ADK: variants seen among roughly 807,000 people sequenced by gnomAD.
ADK encodes adenosine kinase.
Under a neutral mutation model 44.7 loss-of-function variants are expected in ADK, and 24 were observed. The observed-to-expected ratio is 0.54, with a 90% CI of 0.39 to 0.76. ADK has a LOEUF of 0.76. Among genes scored for constraint, ADK ranks in the 30% least tolerant of loss-of-function variants. The pLI, the probability that ADK is intolerant of heterozygous loss-of-function variation, is 0.00. For synonymous variants in ADK, 128 were observed against 142.6 expected (o/e 0.90, Z 0.73); for missense variants, 321 against 425.1 (o/e 0.76, Z 2.15).
chr10:74,494,942 A>G (rs893754184), intron 6 of ADK, among the ~76,000 whole-genome samples: 1 of 152,242 alleles, frequency 6.6e-6, no homozygotes, highest in Admixed American at 6.5e-5. Flanking sequence ...ACTCTGGATT[A>G]ATATATGGGC....
chr10:74,570,423 ATTTG>A (rs1247888264), intron 7 of ADK, among the ~76,000 whole-genome samples: 1 of 152,064 alleles, frequency 6.6e-6, no homozygotes, highest in African/African-American at 2.4e-5. Context: ...ATGTTCTTCC[ATTTG>A]TTTGTATCCT....
At chr10:74,474,349 C>G (rs1207039565) in intron 6 of ADK, among the ~76,000 whole-genome samples, 1 of 152,194 alleles carries the variant, frequency 6.6e-6, no homozygotes, top group Non-Finnish European at 1.5e-5. Flanking sequence ...GTGATCTTCC[C>G]TCCTCAGCCT....
chr10:74,621,716 G>A (rs1853000570), intron 9 of ADK, among the ~76,000 whole-genome samples: 1 of 151,992 alleles, frequency 6.6e-6, no homozygotes, highest in South Asian at 2.1e-4. Context: ...TCCTTTTGGG[G>A]CTTGTTTCTT....
At chr10:74,661,701 T>C (rs1854736272) in intron 9 of ADK, among the ~76,000 whole-genome samples, 2 of 152,354 alleles carry the variant, frequency 1.3e-5, no homozygotes, top group Admixed American at 1.3e-4. Flanking sequence ...CCTCTCTTTT[T>C]CATTATCCAC....
chr10:74,659,437 A>G (rs1446031072), intron 9 of ADK, among the ~76,000 whole-genome samples: 2 of 152,224 alleles, frequency 1.3e-5, no homozygotes, highest in Non-Finnish European at 2.9e-5. Flanking sequence ...GCAAACATGA[A>G]CAAACTAAGA....
intron 10 of ADK, 118 bp from the exon 11 acceptor site, chr10:74,708,203 C>G: frequency 9.5e-7 from 1 of 1,047,410 alleles, no homozygotes; most frequent in Non-Finnish European, 1.4e-6. Flanking sequence ...AAGACTTTCT[C>G]TTACTGTCAA....
At chr10:74,199,403 C>CAAGGTAA (rs1843289633) in intron 1 of ADK, among the ~76,000 whole-genome samples, 2 of 152,186 alleles carry the variant, frequency 1.3e-5, no homozygotes, top group African/African-American at 4.8e-5. Flanking sequence ...TCTCTGCGTA[C>CAAGGTAA]CCAGTGTTTA....
intron 6 of ADK, among the ~76,000 whole-genome samples, chr10:74,517,762 G>A (rs1056660780): frequency 1.4e-4 from 22 of 151,742 alleles, no homozygotes; most frequent in African/African-American, 4.8e-4. Context: ...CACATAGACA[G>A]GAAGAAGATC....
At chr10:74,592,931 T>C (rs1851771612) in intron 8 of ADK, among the ~76,000 whole-genome samples, 2 of 152,196 alleles carry the variant, frequency 1.3e-5, no homozygotes, top group African/African-American at 4.8e-5. Context: ...TTGAGTACTC[T>C]ATAGACTATG....
chr10:74,212,911 T>C (rs1277857095), intron 2 of ADK, among the ~76,000 whole-genome samples: 4 of 152,040 alleles, frequency 2.6e-5, no homozygotes, highest in Admixed American at 6.6e-5. Context: ...GAGTTAGAGA[T>C]AACATTTGAA....
At chr10:74,480,823 T>G (rs1287133377) in intron 6 of ADK, among the ~76,000 whole-genome samples, 1 of 152,208 alleles carries the variant, frequency 6.6e-6, no homozygotes, top group Non-Finnish European at 1.5e-5. Context: ...CAGCAGCACA[T>G]CTTTTAAATG....
At chr10:74,563,041 G>A (rs371204610) in intron 7 of ADK, among the ~76,000 whole-genome samples, 1 of 152,084 alleles carries the variant, frequency 6.6e-6, no homozygotes, top group East Asian at 1.9e-4. Context: ...TTTTCAGTTT[G>A]AGATTTTTTT....
intron 6 of ADK, among the ~76,000 whole-genome samples, chr10:74,406,485 T>C (rs1029394878): frequency 1.3e-5 from 2 of 149,396 alleles, no homozygotes; most frequent in African/African-American, 4.9e-5. Context: ...CACCTCCATC[T>C]ACCTTTGGGA....
At chr10:74,233,822 A>G (rs543765324) in intron 3 of ADK, among the ~76,000 whole-genome samples, 112 of 152,292 alleles carry the variant, frequency 7.4e-4, no homozygotes, top group African/African-American at 2.6e-3. Context: ...ACTCTTCAAC[A>G]ATAACAAAAA....
intron 9 of ADK, 136 bp downstream of exon 9, chr10:74,600,629 T>C: frequency 3.6e-6 from 1 of 275,586 alleles, no homozygotes; most frequent in Non-Finnish European, 6.8e-6. Context: ...TTTATTTTAA[T>C]AAATATTTCT....
intron 3 of ADK, 24 bp downstream of exon 3, chr10:74,224,615 G>A (rs1363673979): frequency 6.3e-7 from 1 of 1,594,732 alleles, no homozygotes. Context: ...ACCATTGGTT[G>A]TAAATAGTTT....
At chr10:74,213,840 A>G (rs577604825) in intron 2 of ADK, among the ~76,000 whole-genome samples, 2 of 152,234 alleles carry the variant, frequency 1.3e-5, no homozygotes, top group African/African-American at 4.8e-5. Flanking sequence ...TGGGAGGTTG[A>G]TATAACATGG....
chr10:74,639,827 A>G (rs1023066376), intron 9 of ADK, among the ~76,000 whole-genome samples: 1 of 151,828 alleles, frequency 6.6e-6, no homozygotes, highest in Non-Finnish European at 1.5e-5. Flanking sequence ...CAGAGCGAGC[A>G]AGAGCAGGCG....
chr10:74,190,526 A>T (rs1046297224), intron 1 of ADK, among the ~76,000 whole-genome samples: 1 of 152,174 alleles, frequency 6.6e-6, no homozygotes, highest in African/African-American at 2.4e-5. Context: ...TTTTTTGGTT[A>T]GCTTGTTTGC....
Sources: gnomAD v4.1 joint callset for allele counts (sites outside exome capture counted in the v4.1 genomes callset) on GRCh38, gnomAD v4.1.1 for gene constraint, MANE v1.5 for transcripts, NCBI Gene and HGNC (gene_info 2026-07-23, HGNC 2026-07-21) for gene names.